Variants in PTCHD4 observed in about 807,000 individuals in gnomAD.
The protein encoded by PTCHD4 is patched domain-containing protein 4.
Under a neutral mutation model 58.1 loss-of-function variants are expected in PTCHD4, and 33 were observed. The observed-to-expected ratio is 0.57, with a 90% CI of 0.43 to 0.76. PTCHD4 has a LOEUF of 0.76. Ranked by LOEUF, PTCHD4 falls within the 30% of genes least tolerant of loss-of-function variation. PTCHD4 has a pLI of 0.00. For missense variants in PTCHD4, 1,058 were observed against 1,027.1 expected, an observed-to-expected ratio of 1.03 and a Z score of -0.41; for synonymous variants, 478 against 409.6, an observed-to-expected ratio of 1.17 and a Z score of -2.02.
At chr6:47,997,850 T>C (rs1411882232) in intron 4 of PTCHD4, among the ~76,000 whole-genome samples, 5 of 152,230 alleles carry the variant, frequency 3.3e-5, no homozygotes, top group African/African-American at 1.2e-4. Flanking sequence ...GACCATCAAA[T>C]AAACATAGAA....
rs1365135058 is a variant in PTCHD4, at chr6:47,879,247, T to C, written c.1588A>G (p.Ser530Gly). ...VYEPLEYWNS[S>G]VQDDLRRLCS... Reference sequence around the variant, plus strand: ...AGTCTTCTTAGGTCATCCTGGACGCTGCTGTTCCAGTACTCTAGGGGCTCA... The same window carrying C: ...AGTCTTCTTAGGTCATCCTGGACGCCGCTGTTCCAGTACTCTAGGGGCTCA... The change falls in exon 5 of 5, where the codon AGC (serine) becomes GGC (glycine). Residue 530 changes from serine to glycine, a missense_variant. Physicochemically the swap from Ser to Gly is moderately conservative, Grantham distance 56. Transcript: ENST00000339488. 6.2e-7 allele frequency: 1 copy of C among 1,612,930 alleles called. No homozygotes were observed. Among genetic ancestry groups the C allele is most frequent in the South Asian group, 1.1e-5 (1 of 90,988 alleles).
intron 4 of PTCHD4, among the ~76,000 whole-genome samples, chr6:47,983,491 T>C (rs1408801738): frequency 1.1e-4 from 17 of 152,158 alleles, no homozygotes. Flanking sequence ...AAAAAGATTG[T>C]TTTTTCTATT....
At chr6:48,017,604 A>C (rs777792219) in intron 3 of PTCHD4, among the ~76,000 whole-genome samples, 8 of 152,238 alleles carry the variant, frequency 5.3e-5, no homozygotes, top group Admixed American at 2.6e-4. Context: ...CTAAGACATA[A>C]GAATTCTATT....
At chr6:47,958,455 G>C (rs906487568) in intron 4 of PTCHD4, among the ~76,000 whole-genome samples, 1 of 152,124 alleles carries the variant, frequency 6.6e-6, no homozygotes, top group Non-Finnish European at 1.5e-5. Flanking sequence ...CCCTGAGAAC[G>C]GGAAACAAAT....
chr6:47,930,327 G>A (rs181105196), intron 4 of PTCHD4, among the ~76,000 whole-genome samples: 82 of 152,210 alleles, frequency 5.4e-4, no homozygotes, highest in African/African-American at 1.5e-3. Context: ...TGAAAATTTC[G>A]TTTTGTATAC....
chr6:47,873,787 G>A lies in PTCHD4; in HGVS notation c.*4516C>T, dbSNP rs545939068. ...GGCATACCAATTCAGCCATAAATAT[G>A]TTTTGGGTCAATGTCATAAAATTGT... On this transcript the variant is annotated 3_prime_UTR_variant, in exon 5 of 5. Transcript: ENST00000339488. Among the ~76,000 whole-genome samples the A allele has an allele frequency of 6.6e-6, 1 of 151,804 alleles. No individual in the cohort carries two copies.
intron 3 of PTCHD4, among the ~76,000 whole-genome samples, chr6:48,036,209 G>A (rs529148015): frequency 2.6e-5 from 4 of 152,030 alleles, no homozygotes; most frequent in East Asian, 1.9e-4. Context: ...ATACTTAAGC[G>A]AAGAGTTTCA....
chr6:47,911,569 C>A (rs1052520084), intron 4 of PTCHD4, among the ~76,000 whole-genome samples: 2 of 152,044 alleles, frequency 1.3e-5, no homozygotes, highest in African/African-American at 4.8e-5. Flanking sequence ...AGGATGATGT[C>A]CAGGTTTTGA....
intron 4 of PTCHD4, among the ~76,000 whole-genome samples, chr6:47,905,886 C>A (rs1764865886): frequency 6.6e-6 from 1 of 152,338 alleles, no homozygotes; most frequent in African/African-American, 2.4e-5. Context: ...CCTCCTGAGG[C>A]CATGATCAGA....
Position 47,872,347 on chromosome 6 carries a change from A to T in PTCHD4, c.*5956T>A, listed in dbSNP as rs991927877. On this transcript the variant is annotated 3_prime_UTR_variant, in exon 5 of 5. Coordinates refer to ENST00000339488, the MANE Select transcript of PTCHD4 (RefSeq NM_001384253.1). Reference sequence around the variant, plus strand: ...AGAATTTTTTTCCCCCTCTGGTTTGACAGAGCCTTGTGGGCAATGTGCTTA... The same window carrying T: ...AGAATTTTTTTCCCCCTCTGGTTTGTCAGAGCCTTGTGGGCAATGTGCTTA... 6.6e-6 allele frequency among the ~76,000 whole-genome samples: 1 copy of T among 151,632 alleles called. No individual in the cohort carries two copies. Among genetic ancestry groups the T allele is most frequent in the Non-Finnish European group, 1.5e-5 (1 of 67,756 alleles).
At chr6:47,901,524 G>A in intron 4 of PTCHD4, 1 of 989,772 alleles carries the variant, frequency 1.0e-6, no homozygotes, top group Non-Finnish European at 1.2e-6. Context: ...TATATGATTG[G>A]AATCAATTTA....
intron 4 of PTCHD4, among the ~76,000 whole-genome samples, chr6:47,903,569 C>T (rs1298032171): frequency 6.6e-6 from 1 of 152,128 alleles, no homozygotes; most frequent in Non-Finnish European, 1.5e-5. Flanking sequence ...GCTGCCTTGG[C>T]CTCCGAAGGT....
At chr6:48,083,767 C>T (rs1016505237) in intron 1 of PTCHD4, among the ~76,000 whole-genome samples, 1 of 152,174 alleles carries the variant, frequency 6.6e-6, no homozygotes, top group Non-Finnish European at 1.5e-5. Flanking sequence ...TAGCCCCTGG[C>T]TGACAGTCAG....
rs1295613221 is a variant in PTCHD4, at chr6:47,870,120, C to T, written c.*8183G>A. Reference sequence around the variant, plus strand: ...TATTATGACTAATGGAACTAGATTTCTTTTGTTGTTAAAATAAAAAGTTGA... The same window carrying T: ...TATTATGACTAATGGAACTAGATTTTTTTTGTTGTTAAAATAAAAAGTTGA... On this transcript the variant is annotated 3_prime_UTR_variant, in exon 5 of 5. Transcript: ENST00000339488. Among the ~76,000 whole-genome samples, 1 of 151,542 alleles carries T rather than the reference C, an allele frequency of 6.6e-6. No homozygotes were observed. The highest frequency in any genetic ancestry group is 1.5e-5 in the Non-Finnish European group (1 of 67,700).
At chr6:48,073,648 C>T (rs1175860775) in intron 1 of PTCHD4, among the ~76,000 whole-genome samples, 2 of 152,246 alleles carry the variant, frequency 1.3e-5, no homozygotes, top group South Asian at 2.1e-4. Flanking sequence ...GGCCTGGATT[C>T]CACAAAGTCA....
In PTCHD4 at chr6:47,875,649, C is replaced by T. The variant is rs1332689097; in HGVS notation, c.*2654G>A. Among the ~76,000 whole-genome samples, 2 of 151,822 alleles carry T rather than the reference C, an allele frequency of 1.3e-5. No individual in the cohort carries two copies. The highest frequency in any genetic ancestry group is 2.9e-5 in the Non-Finnish European group (2 of 67,874). Reference sequence around the variant, plus strand: ...ATGAGAAATTCATATTTATCTTAGACACTTTGATCCTTGAAGACATAAACT... The same window carrying T: ...ATGAGAAATTCATATTTATCTTAGATACTTTGATCCTTGAAGACATAAACT... On this transcript the variant is annotated 3_prime_UTR_variant, in exon 5 of 5. Coordinates refer to ENST00000339488, the MANE Select transcript of PTCHD4 (RefSeq NM_001384253.1).
intron 3 of PTCHD4, among the ~76,000 whole-genome samples, chr6:48,059,416 G>A (rs559182144): frequency 5.9e-5 from 9 of 152,190 alleles, no homozygotes; most frequent in South Asian, 4.2e-4. Flanking sequence ...GGAAGTGGGC[G>A]GATCACAAAG....
At chr6:48,041,714 G>C (rs1275080875) in intron 3 of PTCHD4, among the ~76,000 whole-genome samples, 1 of 151,904 alleles carries the variant, frequency 6.6e-6, no homozygotes, top group African/African-American at 2.4e-5. Flanking sequence ...AGAGGGTCAT[G>C]CATTTTTTTG....
intron 4 of PTCHD4, among the ~76,000 whole-genome samples, chr6:47,993,755 TG>T (rs1419468487): frequency 6.6e-6 from 1 of 152,050 alleles, no homozygotes; most frequent in Non-Finnish European, 1.5e-5. Flanking sequence ...CAGCAGGACA[TG>T]GGGGTACTGT....
Sources: allele counts gnomAD v4.1 joint callset (sites outside exome capture counted in the v4.1 genomes callset), GRCh38; gene constraint gnomAD v4.1.1; transcripts MANE v1.5; gene names NCBI Gene and HGNC (gene_info 2026-07-23, HGNC 2026-07-21).